Variants in DDB1 observed in about 807,000 individuals in gnomAD.
The protein encoded by DDB1 is DNA damage-binding protein 1.
DDB1 carries 18 observed loss-of-function variants against 133.1 expected under a neutral mutation model. That is an observed-to-expected ratio of 0.14 (90% CI 0.09 to 0.20). The LOEUF (loss-of-function observed/expected upper bound fraction) is 0.20. Among genes scored for constraint, DDB1 ranks in the 10% least tolerant of loss-of-function variants. The pLI, the probability that DDB1 is intolerant of heterozygous loss-of-function variation, is 1.00. For synonymous variants in DDB1, 580 were observed against 550.5 expected (o/e 1.05, Z -0.75); for missense variants, 828 against 1,459.2 (o/e 0.57, Z 7.05).
In DDB1 at chr11:61,313,683, C is replaced by G; in HGVS notation, c.1885G>C (p.Val629Leu). The G allele has an allele frequency of 1.9e-6, 3 of 1,612,996 alleles. No individual in the cohort carries two copies. The highest frequency in any genetic ancestry group is 2.5e-6 in the Non-Finnish European group (3 of 1,179,436). Residue 629 changes from valine to leucine, a missense_variant, in exon 16 of 27, where the codon GTG becomes CTG. By Grantham distance (32) the Val-to-Leu change is conservative (BLOSUM62 1). This residue lies in a region of DDB1 where 396 missense variants were observed against 554.1 expected (regional missense o/e 0.71). Coordinates refer to ENST00000301764, the MANE Select transcript of DDB1 (RefSeq NM_001923.5). ...ETGLLSDRKK[V>L]TLGTQPTVLR... ...ACGGTGGGCTGGGTGCCCAAAGTCA[C>G]CTTCTTACGGTCGCTCAACAGACCT...
intron 6 of DDB1, among the ~76,000 whole-genome samples, chr11:61,325,143 C>T (rs556295222): frequency 2.7e-3 from 402 of 151,358 alleles, no homozygotes; most frequent in Admixed American, 4.3e-3. Flanking sequence ...AGCAAAACTC[C>T]GTCTCAAAAA....
chr11:61,310,354 G>A lies in DDB1; in HGVS notation c.2342C>T (p.Ser781Phe). The A allele has an allele frequency of 6.2e-7, 1 of 1,613,206 alleles. No individual in the cohort carries two copies. Among genetic ancestry groups the A allele is most frequent in the Non-Finnish European group, 8.5e-7 (1 of 1,179,820 alleles). The change falls in exon 19 of 27, where the codon TCC (serine) becomes TTC (phenylalanine). Residue 781 changes from serine to phenylalanine, a missense_variant. Ser to Phe is a radical substitution (Grantham distance 155). Transcript: ENST00000301764. ...FSSSTAPHET[S>F]FGEEVEVHNL... The stretch of plus-strand genomic sequence containing the variant: ...GTGCACCTCCACCTCTTCTCCAAAG[G>A]AGGTCTCATGAGGAGCAGTGCTGCT...
chr11:61,308,073 A>G (rs1400828068), intron 21 of DDB1, among the ~76,000 whole-genome samples: 2 of 152,144 alleles, frequency 1.3e-5, no homozygotes, highest in African/African-American at 2.4e-5. Context: ...TACAAGTTCA[A>G]TCATGTTCAA....
At chr11:61,322,454 T>G (rs1394069301) in intron 8 of DDB1, 42 bp from the exon 9 acceptor site, 1 of 1,452,214 alleles carries the variant, frequency 6.9e-7, no homozygotes, top group South Asian at 1.1e-5. Flanking sequence ...TAGAACACCC[T>G]AACAGACCCA....
intron 24 of DDB1, 71 bp from the exon 25 acceptor site, chr11:61,302,430 C>A: frequency 1.9e-6 from 3 of 1,582,916 alleles, no homozygotes; most frequent in East Asian, 2.2e-5. Flanking sequence ...ACGTAAAGGG[C>A]AGCCCAGGTG....
At chr11:61,305,550 C>G (rs531283707) in intron 21 of DDB1, among the ~76,000 whole-genome samples, 81 of 152,286 alleles carry the variant, frequency 5.3e-4, no homozygotes, top group Non-Finnish European at 1.0e-3. Flanking sequence ...ACACCTCTAT[C>G]ACAGGGTAAA....
In DDB1 at chr11:61,323,162, A is replaced by G. The variant is rs770608911; in HGVS notation, c.922-68T>C. ...TACGTGGGATCCAGATACTACCCAC[A>G]TCTCAGACATCTGCTGAGAAAACTC... is the stretch of plus-strand genomic sequence containing the variant. On this transcript the variant is annotated intron_variant, in intron 7 of 26. Coordinates refer to ENST00000301764, the MANE Select transcript of DDB1 (RefSeq NM_001923.5). 5 of 1,245,020 alleles carry G rather than the reference A, an allele frequency of 4.0e-6. No homozygotes were observed. The African/African-American group carries it at 7.4e-5, about 18-fold the overall frequency. The allele number at this position is 1,245,020 out of a possible 1,614,324, so 77.1% of individuals were successfully genotyped here. A position where few individuals can be genotyped will look rare whatever the true frequency, so the allele number is the denominator to read the frequency against.
chr11:61,329,205 A>G (rs1408258806), intron 4 of DDB1, 158 bp downstream of exon 4: 18 of 676,514 alleles, frequency 2.7e-5, no homozygotes, highest in Admixed American at 9.8e-5. Context: ...AGAAGCAACG[A>G]AAGTCTGACC....
Position 61,309,905 on chromosome 11 carries a change from G to A in DDB1, c.2457C>T (p.Cys819=). The A allele has an allele frequency of 6.2e-7, 1 of 1,614,230 alleles. No homozygotes were observed. Among genetic ancestry groups the A allele is most frequent in the East Asian group, 2.2e-5 (1 of 44,884 alleles). The change falls in exon 20 of 27, where the codon TGC becomes TGT. Residue 819 remains cysteine, a synonymous_variant. Transcript: ENST00000301764. ...AAGTGTTGGGGTCTTTGCCCAGCTTGCAGGAAACCAGACTGAGGGCATATT... is the reference window on the plus strand; with the variant it reads ...AAGTGTTGGGGTCTTTGCCCAGCTTACAGGAAACCAGACTGAGGGCATATT... ...QNEYALSLVS[C]KLGKDPNTYF...
intron 25 of DDB1, chr11:61,301,966 G>T: frequency 3.8e-6 from 1 of 261,584 alleles, no homozygotes; most frequent in South Asian, 7.0e-5. Flanking sequence ...ATTCACATTT[G>T]GCCTGCTACA....
chr11:61,303,396 T>A (rs1855830750), intron 22 of DDB1: 1 of 449,740 alleles, frequency 2.2e-6, no homozygotes, highest in Non-Finnish European at 4.1e-6. Context: ...TCTCTAAAAA[T>A]ACTTAATCAG....
intron 16 of DDB1, among the ~76,000 whole-genome samples, 187 bp downstream of exon 16, chr11:61,313,312 A>C (rs1389792853): frequency 1.3e-5 from 2 of 152,152 alleles, no homozygotes; most frequent in Non-Finnish European, 2.9e-5. Context: ...GATTCCAAAA[A>C]TCCTGTAGTT....
intron 10 of DDB1, chr11:61,321,327 AAAC>A (rs1357529421): frequency 2.4e-5 from 7 of 291,022 alleles, no homozygotes; most frequent in Admixed American, 4.8e-5. Flanking sequence ...TGCCTCATAT[AAAC>A]AACATTAATT....
chr11:61,310,769 A>G (rs964711937), intron 18 of DDB1: 1 of 178,872 alleles, frequency 5.6e-6, no homozygotes, highest in Admixed American at 5.7e-5. Context: ...GAAGACTTCA[A>G]CTCTGGACTA....
At chr11:61,331,193 GAA>G (rs1307646354) in intron 2 of DDB1, among the ~76,000 whole-genome samples, 1 of 152,088 alleles carries the variant, frequency 6.6e-6, no homozygotes, top group Non-Finnish European at 1.5e-5. Flanking sequence ...TTTCCCTAAT[GAA>G]TCTCTCCTTT....
At chr11:61,322,969 T>C in intron 8 of DDB1, 42 bp downstream of exon 8, 1 of 1,526,254 alleles carries the variant, frequency 6.6e-7, no homozygotes, top group Non-Finnish European at 9.0e-7. Context: ...GAAGAAACAG[T>C]GAGTACAGCA....
intron 19 of DDB1, 53 bp downstream of exon 19, chr11:61,310,242 A>G: frequency 6.3e-7 from 1 of 1,577,252 alleles, no homozygotes; most frequent in Non-Finnish European, 8.6e-7. Context: ...AGCCCAGAAC[A>G]GCCTGGATTA....
At position 61,312,096 on chromosome 11, in the gene DDB1, G is replaced by A; in HGVS notation, c.2070-12C>T. On this transcript the variant is annotated splice_polypyrimidine_tract_variant and intron_variant, in intron 16 of 26. Coordinates refer to ENST00000301764, the MANE Select transcript of DDB1 (RefSeq NM_001923.5). Reference sequence around the variant, plus strand: ...TGGCCAGCGCCAGGCTGGAAAGAAGGGTCTGGGTTTAGACTGAGGAGACTC... The same window carrying A: ...TGGCCAGCGCCAGGCTGGAAAGAAGAGTCTGGGTTTAGACTGAGGAGACTC... 1 of 1,613,834 alleles carries A rather than the reference G, an allele frequency of 6.2e-7. No individual in the cohort carries two copies. Among genetic ancestry groups the A allele is most frequent in the South Asian group, 1.1e-5 (1 of 91,068 alleles).
Position 61,314,108 on chromosome 11 carries a change from G to C in DDB1, c.1692C>G (p.Ile564Met). 1 of 1,614,168 alleles carries C rather than the reference G, an allele frequency of 6.2e-7. No homozygotes were observed. The highest frequency in any genetic ancestry group is 8.5e-7 in the Non-Finnish European group (1 of 1,180,022). ...PLCAIGLWTD[I>M]SARILKLPSF... ...AGGGCAACTTCAAGATACGAGCCGA[G>C]ATGTCCGTCCAGAGGCCAATGGCAC... The change falls in exon 14 of 27, where the codon ATC becomes ATG. Residue 564 changes from isoleucine (I) to methionine (M), a missense_variant. Around this residue, in one of 7 missense-constraint regions of DDB1, gnomAD observed 396 missense variants for 554.1 expected, o/e 0.71. Transcript: ENST00000301764.
Sources: gnomAD v4.1 joint callset for allele counts (sites outside exome capture counted in the v4.1 genomes callset) on GRCh38, gnomAD v4.1.1 for gene constraint, gnomAD v4.1.1 regional missense constraint, MANE v1.5 for transcripts, NCBI Gene and HGNC (gene_info 2026-07-23, HGNC 2026-07-21) for gene names.